SLC23A2: variants seen among roughly 807,000 people sequenced by gnomAD.
The protein encoded by SLC23A2 is solute carrier family 23 member 2.
Under a neutral mutation model 73.3 loss-of-function variants are expected in SLC23A2, and 36 were observed. The observed-to-expected ratio is 0.49, with a 90% CI of 0.38 to 0.65. The LOEUF (loss-of-function observed/expected upper bound fraction) is 0.65, where lower values mean the gene tolerates loss of function less well. Among genes scored for constraint, SLC23A2 ranks in the 30% least tolerant of loss-of-function variants. SLC23A2 has a pLI of 0.00. For missense variants in SLC23A2, 507 were observed against 841.6 expected (o/e 0.60, Z 4.92); for synonymous variants, 343 against 327.3 (o/e 1.05, Z -0.52).
At chr20:4,910,575 A>G (rs1044362671) in intron 4 of SLC23A2, among the ~76,000 whole-genome samples, 1 of 152,014 alleles carries the variant, frequency 6.6e-6, no homozygotes, top group African/African-American at 2.4e-5. Context: ...CAACCCAACC[A>G]CAGGCGTGTG....
intron 4 of SLC23A2, among the ~76,000 whole-genome samples, chr20:4,910,900 A>C (rs1932119394): frequency 6.6e-6 from 1 of 152,236 alleles, no homozygotes; most frequent in Non-Finnish European, 1.5e-5. Flanking sequence ...CCCAAACAGG[A>C]AAATGAACAT....
rs1929565899 is a variant in SLC23A2, at chr20:4,852,534, T to C, written c.*4438A>G. On this transcript the variant is annotated 3_prime_UTR_variant, in exon 17 of 17. Transcript: ENST00000338244. The surrounding 1 kb of genome is among the most constrained non-coding windows in gnomAD (Gnocchi z 4.3). Reference sequence around the variant, plus strand: ...ATGAAAATTCTTTTTAAAAACTCCATAAAAGAATTACACATCTCAAAAAAC... The same window carrying C: ...ATGAAAATTCTTTTTAAAAACTCCACAAAAGAATTACACATCTCAAAAAAC... The C allele has an allele frequency of 6.6e-6, 1 of 152,404 alleles. No individual in the cohort carries two copies. Among genetic ancestry groups the C allele is most frequent in the Non-Finnish European group, 1.5e-5 (1 of 67,990 alleles). 9.4% of individuals were successfully genotyped at this position (152,404 alleles called of 1,614,324 possible).
intron 3 of SLC23A2, among the ~76,000 whole-genome samples, chr20:4,918,884 AAAAG>A (rs1932411530): frequency 2.0e-5 from 3 of 152,156 alleles, no homozygotes; most frequent in African/African-American, 7.2e-5. Flanking sequence ...CTATTCTTTT[AAAAG>A]AAAGGTAACA....
At chr20:4,999,405 C>T (rs1427065543) in intron 1 of SLC23A2, among the ~76,000 whole-genome samples, 1 of 152,144 alleles carries the variant, frequency 6.6e-6, no homozygotes, top group Non-Finnish European at 1.5e-5. Context: ...TGCTTGCCTG[C>T]CCCGGGACAC....
intron 1 of SLC23A2, among the ~76,000 whole-genome samples, chr20:4,990,509 C>T (rs1341568925): frequency 6.6e-6 from 1 of 151,564 alleles, no homozygotes; most frequent in Non-Finnish European, 1.5e-5. Context: ...GTGGCAGGGA[C>T]TACAGGCATG....
At chr20:4,913,227 G>A (rs1408811342) in intron 3 of SLC23A2, among the ~76,000 whole-genome samples, 5 of 152,146 alleles carry the variant, frequency 3.3e-5, no homozygotes, top group African/African-American at 1.2e-4. Context: ...TGGCTCAGAG[G>A]CCCATGCTGT....
chr20:4,874,525 C>T (rs757147929), intron 10 of SLC23A2, 51 bp downstream of exon 10: 2 of 1,547,840 alleles, frequency 1.3e-6, no homozygotes, highest in Non-Finnish European at 1.7e-6. Context: ...AATCATCTTA[C>T]ATATTAACCA....
rs1345468791 is a variant in SLC23A2, at chr20:4,935,176, GACTCCGTCTCAAAA to G, written c.-154-2474_-154-2461del. Reference sequence around the variant, plus strand: ...CACTCCAGCCTGGGCGACAGAGCGAGACTCCGTCTCAAAAAAAAAAAAAAAAAAAAAGAAACCAT... The same window carrying G: ...CACTCCAGCCTGGGCGACAGAGCGAGAAAAAAAAAAAAAAAAAGAAACCAT... On this transcript the variant is annotated intron_variant, in intron 2 of 16. Coordinates refer to ENST00000338244, the MANE Select transcript of SLC23A2 (RefSeq NM_005116.6). 3.7e-4 allele frequency among the ~76,000 whole-genome samples: 42 copies of G among 114,224 alleles called. 1 individual carries two copies. The highest frequency in any genetic ancestry group is 2.5e-4 in the Admixed American group (2 of 8,046). 74.9% of individuals were successfully genotyped at this position (114,224 alleles called of 152,430 possible).
intron 1 of SLC23A2, among the ~76,000 whole-genome samples, chr20:4,985,618 T>G (rs2087812477): frequency 6.6e-6 from 1 of 152,106 alleles, no homozygotes; most frequent in African/African-American, 2.4e-5. Context: ...CAGCTAATTT[T>G]TGTATTCTTA....
At chr20:4,932,400 C>T (rs1932799663) in intron 3 of SLC23A2, 55 bp downstream of exon 3, 1 of 1,012,294 alleles carries the variant, frequency 9.9e-7, no homozygotes, top group Non-Finnish European at 1.6e-6. Context: ...ATGTTGATTC[C>T]ATACGGAAAC....
At chr20:4,921,150 T>C (rs114701039) in intron 3 of SLC23A2, among the ~76,000 whole-genome samples, 2,241 of 152,336 alleles carry the variant, frequency 0.015, 58 homozygotes, top group African/African-American at 0.05. Flanking sequence ...GATCCATGAT[T>C]TGCTATATGT....
At chr20:4,950,940 A>C (rs2087192111) in intron 2 of SLC23A2, among the ~76,000 whole-genome samples, 1 of 152,206 alleles carries the variant, frequency 6.6e-6, no homozygotes, top group Admixed American at 6.5e-5. Context: ...CCTGACCAGA[A>C]GTGACACCTT....
chr20:4,869,931 G>T lies in SLC23A2; in HGVS notation c.1225C>A (p.Pro409Thr), dbSNP rs200438477. 2 of 1,604,646 alleles carry T rather than the reference G, an allele frequency of 1.2e-6. No homozygotes were observed. The highest frequency in any genetic ancestry group is 1.1e-5 in the South Asian group (1 of 90,826). ...YACARLSCAP[P>T]PPIHAINRGI... ...CTGTTTATTGCGTGGATGGGGGGGG[G>T]TGGGGCACAGGACAGCCGTGCACAG... The change falls in exon 12 of 17, where the codon CCC (proline) becomes ACC (threonine). Residue 409 changes from proline to threonine, a missense_variant. Pro to Thr is a conservative substitution (Grantham distance 38, BLOSUM62 -1). This residue lies in a region of SLC23A2 where 27 missense variants were observed against 18.2 expected (regional missense o/e 1.48). Transcript: ENST00000338244.
At chr20:4,906,301 T>C (rs1293321465) in intron 4 of SLC23A2, among the ~76,000 whole-genome samples, 1 of 152,164 alleles carries the variant, frequency 6.6e-6, no homozygotes, top group Non-Finnish European at 1.5e-5. Context: ...ATCATGCCAC[T>C]GCACTCCAGC....
At chr20:4,977,918 T>G (rs1226777433) in intron 1 of SLC23A2, among the ~76,000 whole-genome samples, 1 of 152,166 alleles carries the variant, frequency 6.6e-6, no homozygotes, top group African/African-American at 2.4e-5. Context: ...GCTCAATGCC[T>G]AAGTTGTACT....
chr20:4,883,756 G>C lies in SLC23A2; in HGVS notation c.710C>G (p.Ala237Gly). The C allele has an allele frequency of 6.2e-6, 10 of 1,613,838 alleles. No homozygotes were observed. The highest frequency in any genetic ancestry group is 8.5e-6 in the Non-Finnish European group (10 of 1,179,790). Reference sequence around the variant, plus strand: ...CAAGGGACCGATGTACTTCAGTAGAGCCCCAGGCAGGCCGAGGAGGCCGAT... The same window carrying C: ...CAAGGGACCGATGTACTTCAGTAGACCCCCAGGCAGGCCGAGGAGGCCGAT... ...VVIGLLGLPGALLKYIGPLTI... is the reference protein window; with the variant it reads ...VVIGLLGLPGGLLKYIGPLTI... Residue 237 changes from alanine (A) to glycine (G), a missense_variant, in exon 9 of 17, where the codon GCT becomes GGT. Transcript: ENST00000338244. This position sits in a 1 kb window ranked among gnomAD's most constrained non-coding sequence, Gnocchi z 4.5.
chr20:4,967,602 G>A (rs2748901), intron 2 of SLC23A2, among the ~76,000 whole-genome samples: 90,440 of 152,004 alleles, frequency 0.59, 27,647 homozygotes, highest in African/African-American at 0.73. Flanking sequence ...ATTTTTATAC[G>A]ACATGTTTGG....
chr20:4,932,569 A>G lies in SLC23A2; in HGVS notation c.-7T>C, dbSNP rs1473549624. On this transcript the variant is annotated 5_prime_UTR_variant, in exon 3 of 17. Transcript: ENST00000338244. Reference sequence around the variant, plus strand: ...TCTTACCAATACCCATCATTAAGAGAAACGAGTAGTTTACACAGCCGTTGG... The same window carrying G: ...TCTTACCAATACCCATCATTAAGAGGAACGAGTAGTTTACACAGCCGTTGG... The G allele has an allele frequency of 4.1e-6, 6 of 1,468,542 alleles. No individual in the cohort carries two copies. Among genetic ancestry groups the G allele is most frequent in the Non-Finnish European group, 5.7e-6 (6 of 1,047,210 alleles). 91.0% of individuals were successfully genotyped at this position (1,468,542 alleles called of 1,614,324 possible).
upstream of SLC23A2, among the ~76,000 whole-genome samples, chr20:5,003,211 G>A (rs989372283): frequency 3.3e-5 from 5 of 152,084 alleles, no homozygotes; most frequent in South Asian, 6.2e-4. Context: ...GTGAAACCCC[G>A]TCTCTACTAA....
Sources: allele counts gnomAD v4.1 joint callset (sites outside exome capture counted in the v4.1 genomes callset), GRCh38; gene constraint gnomAD v4.1.1; regional missense constraint gnomAD v4.1.1; non-coding constraint Gnocchi (gnomAD v3.1); transcripts MANE v1.5; gene names NCBI Gene and HGNC (gene_info 2026-07-23, HGNC 2026-07-21).